MCF2L: variants seen among roughly 807,000 people sequenced by gnomAD.
MCF2L encodes the protein guanine nucleotide exchange factor DBS.
Under a neutral mutation model 153.4 loss-of-function variants are expected in MCF2L, and 97 were observed. That is an observed-to-expected ratio of 0.63 (90% CI 0.54 to 0.75). MCF2L has a LOEUF of 0.75. MCF2L is among the 30% of genes least tolerant of loss of function. MCF2L has a pLI of 0.00. For synonymous variants in MCF2L, 659 were observed against 632.2 expected (o/e 1.04, Z -0.64); for missense variants, 1,347 against 1,495.2 (o/e 0.90, Z 1.64).
In MCF2L at chr13:112,997,615, C is replaced by T. The variant is rs574396932; in HGVS notation, c.80-17148C>T. ...GGTCCCACCCCACAGCCTGATGGCT[C>T]CAGACAGGGCTGACCAGGTTTGTAA... On this transcript the variant is annotated intron_variant, in intron 1 of 29. Transcript: ENST00000535094. 2.7e-4 allele frequency among the ~76,000 whole-genome samples: 41 copies of T among 152,370 alleles called. 1 individual carries two copies. The highest frequency in any genetic ancestry group is 3.4e-3 in the Middle Eastern group (1 of 294).
chr13:113,081,360 C>G (rs545784968), intron 16 of MCF2L, 81 bp downstream of exon 16: 1 of 1,349,986 alleles, frequency 7.4e-7, no homozygotes, highest in African/African-American at 1.4e-5. Flanking sequence ...ACAACTGCTG[C>G]TCGGAGCAGC....
intron 1 of MCF2L, among the ~76,000 whole-genome samples, chr13:112,972,471 T>C (rs1347036385): frequency 6.7e-6 from 1 of 149,800 alleles, no homozygotes; most frequent in Non-Finnish European, 1.5e-5. Flanking sequence ...AGTGGGTGTG[T>C]GGGTGGATGG....
At chr13:112,914,562 C>T (rs540997313) in intron 2 of MCF2L, among the ~76,000 whole-genome samples, 1 of 152,216 alleles carries the variant, frequency 6.6e-6, no homozygotes, top group Admixed American at 6.5e-5. Flanking sequence ...CACACACTCG[C>T]TCTGTGAGCC....
At chr13:113,061,481 G>C (rs558356840) in intron 5 of MCF2L, among the ~76,000 whole-genome samples, 12 of 152,240 alleles carry the variant, frequency 7.9e-5, no homozygotes, top group African/African-American at 2.6e-4. Context: ...GCACCCCATG[G>C]CACCAGCCAG....
intron 1 of MCF2L, among the ~76,000 whole-genome samples, chr13:112,975,345 C>T (rs962457726): frequency 5.9e-5 from 9 of 152,220 alleles, no homozygotes; most frequent in Non-Finnish European, 7.3e-5. Flanking sequence ...GTTGCATTGA[C>T]TATTAGGTTA....
chr13:112,919,448 G>A (rs58960857), intron 2 of MCF2L, among the ~76,000 whole-genome samples: 12,637 of 151,694 alleles, frequency 0.083, 664 homozygotes, highest in South Asian at 0.15. Flanking sequence ...CTCGTGATCC[G>A]CCCGCCTCGG....
intron 2 of MCF2L, among the ~76,000 whole-genome samples, chr13:112,938,789 C>T (rs988148034): frequency 1.3e-5 from 2 of 152,094 alleles, no homozygotes; most frequent in African/African-American, 4.8e-5. Context: ...ACTAACCCAG[C>T]TCCCACAACC....
At chr13:113,000,544 G>A (rs187030173) in intron 1 of MCF2L, among the ~76,000 whole-genome samples, 203 of 152,316 alleles carry the variant, frequency 1.3e-3, no homozygotes, top group Non-Finnish European at 2.5e-3. Context: ...GCTTGTCAGC[G>A]CAATCATGGC....
chr13:112,984,603 A>G (rs528575154), intron 1 of MCF2L, among the ~76,000 whole-genome samples: 8 of 152,338 alleles, frequency 5.3e-5, no homozygotes, highest in African/African-American at 1.9e-4. Flanking sequence ...ATCAGGATTC[A>G]CCATAAGAAG....
chr13:112,975,328 A>G (rs1174948904), intron 1 of MCF2L, among the ~76,000 whole-genome samples: 1 of 152,222 alleles, frequency 6.6e-6, no homozygotes, highest in African/African-American at 2.4e-5. Flanking sequence ...CGGGGCCCCT[A>G]TGAAGGGTTG....
upstream of MCF2L, among the ~76,000 whole-genome samples, chr13:112,967,000 T>A (rs1447451153): frequency 6.6e-6 from 1 of 152,130 alleles, no homozygotes; most frequent in Admixed American, 6.5e-5. The surrounding 1 kb of genome is among the most constrained non-coding windows in gnomAD (Gnocchi z 4.1). Flanking sequence ...GGCACCTGCA[T>A]GCCAGGAGAG....
chr13:113,070,421 C>T lies in MCF2L; in HGVS notation c.996+248C>T. 1 of 304,094 alleles carries T rather than the reference C, an allele frequency of 3.3e-6. No individual in the cohort carries two copies. Among genetic ancestry groups the T allele is most frequent in the Non-Finnish European group, 6.0e-6 (1 of 165,844 alleles). 18.8% of individuals were successfully genotyped at this position (304,094 alleles called of 1,614,324 possible). A position where few individuals can be genotyped will look rare whatever the true frequency, so the allele number is the denominator to read the frequency against. ...ATCAGCTCACTGGGATGCACTTACA[C>T]TGCATTATTCGTAAAGTAGCAGGAA... is the stretch of plus-strand genomic sequence containing the variant. On this transcript the variant is annotated intron_variant, in intron 9 of 29. Transcript: ENST00000535094. The surrounding 1 kb of genome is among the most constrained non-coding windows in gnomAD (Gnocchi z 5.6).
rs36086577 is a variant in MCF2L at position 113,074,184 on chromosome 13, C to A, written c.997-260C>A. On this transcript the variant is annotated intron_variant, in intron 9 of 29. Transcript: ENST00000535094. The surrounding 1 kb of genome is among the most constrained non-coding windows in gnomAD (Gnocchi z 4.2). ...GGCGTGTGGTTGATAAACGGAGGCA[C>A]ACACAAGCCACAGAGAAACAATTGT... is the stretch of plus-strand genomic sequence containing the variant. Among the ~76,000 whole-genome samples, 17,292 of 152,178 alleles carry A rather than the reference C, an allele frequency of 0.11. 1,292 individuals carry two copies. Among genetic ancestry groups the A allele is most frequent in the Admixed American group, 0.19 (2,959 of 15,278 alleles).
intron 1 of MCF2L, among the ~76,000 whole-genome samples, chr13:112,999,319 C>T (rs144040978): frequency 1.3e-4 from 20 of 152,252 alleles, no homozygotes; most frequent in African/African-American, 4.3e-4. Flanking sequence ...CCAGGAGAGA[C>T]GCACAGAAGA....
At chr13:113,013,913 GGCTGGTGCTGGCTCCATGCTCCTA>G (rs1032271475) in intron 1 of MCF2L, among the ~76,000 whole-genome samples, 1 of 149,728 alleles carries the variant, frequency 6.7e-6, no homozygotes, top group Admixed American at 6.6e-5. Flanking sequence ...CCATGCTCCC[GGCTGGTGCTGGCTCCATGCTCCTA>G]GCTGGTGCTG....
chr13:112,929,724 C>A (rs1048974605), intron 2 of MCF2L, among the ~76,000 whole-genome samples: 1 of 152,220 alleles, frequency 6.6e-6, no homozygotes, highest in Admixed American at 6.5e-5. Context: ...GGTTCCTCTT[C>A]TGCAGAAAGC....
intron 1 of MCF2L, chr13:112,979,322 C>A (rs2082318697): frequency 5.8e-6 from 7 of 1,207,268 alleles, no homozygotes; most frequent in Non-Finnish European, 7.2e-6. Flanking sequence ...AGAACTTGCA[C>A]ACAGCAGGCA....
intron 1 of MCF2L, among the ~76,000 whole-genome samples, chr13:113,000,993 C>G (rs1455990259): frequency 9.7e-6 from 1 of 103,052 alleles, no homozygotes; most frequent in Non-Finnish European, 2.3e-5. Context: ...GTCCCCTTAG[C>G]TCCTTGGGAT....
rs139907194 is a variant in MCF2L, at chr13:112,994,768, C to A, written c.80-19995C>A. On this transcript the variant is annotated intron_variant, in intron 1 of 29. Transcript: ENST00000535094. The stretch of plus-strand genomic sequence containing the variant: ...CGCTGCGGGCAGGACATATGGGCCT[C>A]CCAAGCGGTCCCATCTACACAGGTC... Among the ~76,000 whole-genome samples the A allele has an allele frequency of 4.3e-3, 657 of 151,888 alleles. 6 individuals carry two copies. Among genetic ancestry groups the A allele is most frequent in the African/African-American group, 0.015 (604 of 41,416 alleles).
Sources: gnomAD v4.1 joint callset for allele counts (sites outside exome capture counted in the v4.1 genomes callset) on GRCh38, gnomAD v4.1.1 for gene constraint, Gnocchi (gnomAD v3.1) non-coding constraint, MANE v1.5 for transcripts, NCBI Gene and HGNC (gene_info 2026-07-23, HGNC 2026-07-21) for gene names.